The following PBX3 variants were observed in gnomAD, a reference collection of about 807,000 sequenced individuals.
The protein encoded by PBX3 is PBX homeobox 3.
Under a neutral mutation model 48.5 loss-of-function variants are expected in PBX3, and 14 were observed. The ratio of observed to expected loss-of-function variants is 0.29; its 90% CI spans 0.19 to 0.45. The LOEUF (loss-of-function observed/expected upper bound fraction) is 0.45, where lower values mean the gene tolerates loss of function less well. Ranked by LOEUF, PBX3 falls within the 20% of genes least tolerant of loss-of-function variation. The pLI is 1.00. For missense variants in PBX3, 386 were observed against 546.7 expected (o/e 0.71, Z 2.93); for synonymous variants, 210 against 200.3 (o/e 1.05, Z -0.41).
At chr9:125,808,871 C>G (rs952496352) in intron 2 of PBX3, among the ~76,000 whole-genome samples, 1 of 152,126 alleles carries the variant, frequency 6.6e-6, no homozygotes, top group African/African-American at 2.4e-5. Context: ...ATTGAACTCT[C>G]AGCCAACAGC....
At chr9:125,875,692 A>T (rs1243491643) in intron 2 of PBX3, among the ~76,000 whole-genome samples, 3 of 152,112 alleles carry the variant, frequency 2.0e-5, no homozygotes, top group African/African-American at 7.2e-5. Context: ...ACTTCCTACG[A>T]TACTGCTTAT....
chr9:125,842,203 T>C (rs1839306552), intron 2 of PBX3, among the ~76,000 whole-genome samples: 1 of 152,170 alleles, frequency 6.6e-6, no homozygotes, highest in South Asian at 2.1e-4. Flanking sequence ...GAGTTTTCCT[T>C]GTGCTAGCTC....
chr9:125,955,671 G>A (rs911349116), intron 5 of PBX3, among the ~76,000 whole-genome samples: 1 of 152,170 alleles, frequency 6.6e-6, no homozygotes, highest in African/African-American at 2.4e-5. Flanking sequence ...CGGAGGTCCC[G>A]TTCAAGTTTG....
At chr9:125,769,403 A>G (rs1200756386) in intron 2 of PBX3, among the ~76,000 whole-genome samples, 2 of 152,176 alleles carry the variant, frequency 1.3e-5, no homozygotes, top group South Asian at 2.1e-4. Flanking sequence ...CCATTTCAGA[A>G]CTACAAGTCT....
intron 2 of PBX3, chr9:125,748,989 C>T (rs755909749): frequency 5.2e-6 from 1 of 193,408 alleles, no homozygotes; most frequent in Non-Finnish European, 1.1e-5. Context: ...GACCGAGTCC[C>T]CGGGAGAAGC....
At chr9:125,963,845 G>A (rs555664783) in intron 8 of PBX3, among the ~76,000 whole-genome samples, 5 of 152,156 alleles carry the variant, frequency 3.3e-5, no homozygotes, top group Admixed American at 6.5e-5. Flanking sequence ...GGCTTGCTAC[G>A]AGAGTAAATA....
At chr9:125,799,979 T>C (rs1425979328) in intron 2 of PBX3, among the ~76,000 whole-genome samples, 9 of 152,226 alleles carry the variant, frequency 5.9e-5, no homozygotes. Flanking sequence ...AGGGACTGCA[T>C]TGTTTCAGCA....
chr9:125,876,899 C>T, intron 2 of PBX3, among the ~76,000 whole-genome samples: 1 of 151,362 alleles, frequency 6.6e-6, no homozygotes, highest in East Asian at 1.9e-4. Flanking sequence ...GTTCTCCTGC[C>T]TCAGCCTCCC....
intron 5 of PBX3, among the ~76,000 whole-genome samples, chr9:125,942,282 A>G (rs1841973012): frequency 1.3e-5 from 2 of 152,286 alleles, no homozygotes; most frequent in South Asian, 4.1e-4. Flanking sequence ...TGATTCATTC[A>G]TCCCCAGGGC....
intron 2 of PBX3, among the ~76,000 whole-genome samples, chr9:125,761,504 T>C (rs1008565142): frequency 6.6e-6 from 1 of 152,130 alleles, no homozygotes; most frequent in Non-Finnish European, 1.5e-5. Context: ...CGAGAGAGCT[T>C]CAGCAGGGAG....
At chr9:125,760,519 G>T (rs16928427) in intron 2 of PBX3, among the ~76,000 whole-genome samples, 1,810 of 151,996 alleles carry the variant, frequency 0.012, 32 homozygotes, top group African/African-American at 0.041. Flanking sequence ...ATATTGTGAT[G>T]ATATTGTATA....
chr9:125,826,548 A>G (rs1838813693), intron 2 of PBX3, among the ~76,000 whole-genome samples: 1 of 152,170 alleles, frequency 6.6e-6, no homozygotes, highest in African/African-American at 2.4e-5. Flanking sequence ...ACTACTAAGT[A>G]TTTAGACAGT....
chr9:125,824,520 G>T (rs534610089), intron 2 of PBX3, among the ~76,000 whole-genome samples: 21 of 152,210 alleles, frequency 1.4e-4, no homozygotes, highest in African/African-American at 5.1e-4. Context: ...TGTTTTCCAG[G>T]TGTCTCAAAG....
chr9:125,877,241 C>G (rs2132338579), intron 2 of PBX3, among the ~76,000 whole-genome samples: 1 of 152,262 alleles, frequency 6.6e-6, no homozygotes, highest in South Asian at 2.1e-4. Flanking sequence ...ACCAAAAAAT[C>G]AGAATACCGT....
intron 3 of PBX3, among the ~76,000 whole-genome samples, chr9:125,928,164 C>T (rs1187596518): frequency 6.6e-6 from 1 of 151,942 alleles, no homozygotes; most frequent in African/African-American, 2.4e-5. Context: ...ACACTCCATC[C>T]TGGGCGACAG....
chr9:125,853,858 A>C (rs1174665933), intron 2 of PBX3, among the ~76,000 whole-genome samples: 1 of 152,216 alleles, frequency 6.6e-6, no homozygotes, highest in Non-Finnish European at 1.5e-5. Context: ...CCAAGTAAAA[A>C]GTTTTTAAGC....
At chr9:125,753,742 A>G (rs1454632856) in intron 2 of PBX3, among the ~76,000 whole-genome samples, 2 of 152,096 alleles carry the variant, frequency 1.3e-5, no homozygotes, top group Non-Finnish European at 2.9e-5. Flanking sequence ...CTTTTAATAC[A>G]CTAGCAAAGG....
chr9:125,760,010 A>ACT (rs1372788074), intron 2 of PBX3, among the ~76,000 whole-genome samples: 2 of 152,214 alleles, frequency 1.3e-5, no homozygotes, highest in African/African-American at 4.8e-5. Flanking sequence ...CCTCAGAGCA[A>ACT]GAACTCGGTA....
At chr9:125,943,636 A>G (rs989527260) in intron 5 of PBX3, among the ~76,000 whole-genome samples, 26 of 152,118 alleles carry the variant, frequency 1.7e-4, no homozygotes, top group Admixed American at 1.2e-3. Flanking sequence ...CTAATAGGCC[A>G]ATATATAAGC....
Sources: gnomAD v4.1 joint callset for allele counts (sites outside exome capture counted in the v4.1 genomes callset) on GRCh38, gnomAD v4.1.1 for gene constraint, MANE v1.5 for transcripts, NCBI Gene and HGNC (gene_info 2026-07-23, HGNC 2026-07-21) for gene names.